ABCC3: variants seen among roughly 807,000 people sequenced by gnomAD.
The protein encoded by ABCC3 is ATP-binding cassette sub-family C member 3.
A neutral mutation model predicts 165.3 loss-of-function variants in ABCC3; 121 were observed. The ratio of observed to expected loss-of-function variants is 0.73; its 90% CI spans 0.63 to 0.85. The LOEUF is 0.85. ABCC3 is among the 40% of genes least tolerant of loss of function. The pLI is 0.00. For missense variants in ABCC3, 1,869 were observed against 1,964.1 expected (o/e 0.95, Z 0.92); for synonymous variants, 733 against 810.1 (o/e 0.90, Z 1.62).
chr17:50,643,448 C>A, intron 1 of ABCC3: 1 of 439,172 alleles, frequency 2.3e-6, no homozygotes, highest in South Asian at 1.6e-5. Flanking sequence ...ACAACTTCTG[C>A]CCACCTGGGC....
At chr17:50,641,293 G>T (rs1183601209) in intron 1 of ABCC3, among the ~76,000 whole-genome samples, 1 of 152,232 alleles carries the variant, frequency 6.6e-6, no homozygotes, top group East Asian at 1.9e-4. Flanking sequence ...GTGGGTGATG[G>T]TGGGGGAGGG....
At chr17:50,644,474 G>A (rs1005555042) in intron 1 of ABCC3, among the ~76,000 whole-genome samples, 1 of 152,008 alleles carries the variant, frequency 6.6e-6, no homozygotes, top group African/African-American at 2.4e-5. Flanking sequence ...CACTTTGGGA[G>A]GCTGAGGCTG....
chr17:50,659,358 C>CAGCCTGTTTGCCTGTTGGGTTCTCTCTGT lies in ABCC3; in HGVS notation c.798_799insCCTGTTTGCCTGTTGGGTTCTCTCTGTAG (p.Thr267ProfsTer44), dbSNP rs1567829758. On this transcript the variant is annotated frameshift_variant, in exon 7 of 31. Coordinates refer to ENST00000285238, the MANE Select transcript of ABCC3 (RefSeq NM_003786.4). LOFTEE classifies it high-confidence loss of function. ...GGAGGCATGGAGGAAGCAGGAAAAG[C>CAGCCTGTTTGCCTGTTGGGTTCTCTCTGT]AGACGGCACGGTGAGGCCCTCCCCT... is the stretch of plus-strand genomic sequence containing the variant. 1 of 1,609,506 alleles carries CAGCCTGTTTGCCTGTTGGGTTCTCTCTGT rather than the reference C, an allele frequency of 6.2e-7. No individual in the cohort carries two copies. Among genetic ancestry groups the CAGCCTGTTTGCCTGTTGGGTTCTCTCTGT allele is most frequent in the Admixed American group, 1.7e-5 (1 of 59,942 alleles).
At chr17:50,662,510 C>A (rs762946116) in intron 8 of ABCC3, among the ~76,000 whole-genome samples, 1 of 151,946 alleles carries the variant, frequency 6.6e-6, no homozygotes, top group Non-Finnish European at 1.5e-5. Flanking sequence ...TGGTGGCATA[C>A]GCCTAGAGTC....
At chr17:50,672,566 G>A (rs1335181241) in intron 17 of ABCC3, among the ~76,000 whole-genome samples, 2 of 152,120 alleles carry the variant, frequency 1.3e-5, no homozygotes, top group Non-Finnish European at 2.9e-5. Context: ...AGATTCAGAA[G>A]ACTGCTGTTC....
intron 1 of ABCC3, among the ~76,000 whole-genome samples, chr17:50,653,138 G>A (rs888459760): frequency 1.3e-5 from 2 of 151,976 alleles, no homozygotes; most frequent in Non-Finnish European, 2.9e-5. Context: ...CTGAGGTCAG[G>A]AGTTCAAGAC....
chr17:50,654,875 A>ACG lies in ABCC3; in HGVS notation c.46-957_46-956insCG, dbSNP rs1206629793. On this transcript the variant is annotated intron_variant, in intron 1 of 30. Transcript: ENST00000285238. Reference sequence around the variant, plus strand: ...TCGGAGGCCGAGGCGGGCAGGTCGTAAGGTCAAGAGATCGAGACCATCCTG... The same window carrying ACG: ...TCGGAGGCCGAGGCGGGCAGGTCGTACGAGGTCAAGAGATCGAGACCATCCTG... Among the ~76,000 whole-genome samples the ACG allele has an allele frequency of 7.4e-3, 866 of 116,886 alleles. No homozygotes were observed. The Middle Eastern group carries it at 0.08, about 11-fold the overall frequency. The allele number at this position is 116,886 out of a possible 152,430, so 76.7% of individuals were successfully genotyped here.
In ABCC3 at chr17:50,664,079, C is replaced by A. The variant is rs151079073; in HGVS notation, c.1306C>A (p.Gln436Lys). The change falls in exon 10 of 31, where the codon CAG becomes AAG. Residue 436 changes from glutamine (Q) to lysine (K), a missense_variant. Physicochemically the swap from Gln to Lys is moderately conservative, Grantham distance 53. Coordinates refer to ENST00000285238, the MANE Select transcript of ABCC3 (RefSeq NM_003786.4). ...CAATCTGCTGTGGTCAGCACCCCTG[C>A]AGATCATCCTGGCGATCTACTTCCT... ...FLNLLWSAPL[Q>K]IILAIYFLWQ... 1.8e-3 allele frequency: 2,863 copies of A among 1,614,240 alleles called. 4 individuals are homozygous for A. Among genetic ancestry groups the A allele is most frequent in the Non-Finnish European group, 2.3e-3 (2,660 of 1,180,040 alleles).
intron 26 of ABCC3, among the ~76,000 whole-genome samples, chr17:50,681,760 T>C (rs1430858615): frequency 6.6e-6 from 1 of 152,132 alleles, no homozygotes; most frequent in Non-Finnish European, 1.5e-5. Context: ...TTTTCTGTTC[T>C]CGTCTAATTC....
In ABCC3 at chr17:50,687,591, A is replaced by T. The variant is rs775486053; in HGVS notation, c.4336A>T (p.Ile1446Phe). The T allele has an allele frequency of 6.2e-7, 1 of 1,614,200 alleles. No individual in the cohort carries two copies. Among genetic ancestry groups the T allele is most frequent in the South Asian group, 1.1e-5 (1 of 91,088 alleles). ...CCGAGCCCTGCTCCGCAAGAGCCGC[A>T]TCCTGGTTTTAGACGAGGCCACAGC... is the stretch of plus-strand genomic sequence containing the variant. ...LARALLRKSR[I>F]LVLDEATAAI... The change falls in exon 30 of 31, where the codon ATC (isoleucine) becomes TTC (phenylalanine). Residue 1446 changes from isoleucine to phenylalanine, a missense_variant. Ile to Phe is a conservative substitution (Grantham distance 21). Transcript: ENST00000285238.
intron 1 of ABCC3, among the ~76,000 whole-genome samples, chr17:50,648,883 G>A (rs1967055723): frequency 1.3e-5 from 2 of 152,184 alleles, no homozygotes; most frequent in Admixed American, 1.3e-4. Context: ...GGGAGGCCGA[G>A]GCAGGCGGAT....
Position 50,657,085 on chromosome 17 carries a change from GGCGTACAGTCT to G in ABCC3, c.389_399del (p.Gly130ValfsTer31), listed in dbSNP as rs1967267822. 1.9e-6 allele frequency: 3 copies of G among 1,614,170 alleles called. No individual in the cohort carries two copies. The highest frequency in any genetic ancestry group is 2.5e-6 in the Non-Finnish European group (3 of 1,180,020). ...GCTGATACAGTATGAGCGGCTGCAG[GGCGTACAGTCT>G]TCGGGGGTCCTCATTATCTTCTGGT... On this transcript the variant is annotated frameshift_variant, in exon 4 of 31. Transcript: ENST00000285238. LOFTEE classifies it high-confidence loss of function.
At chr17:50,656,998 G>C (rs774499574) in intron 3 of ABCC3, 48 bp from the exon 4 acceptor site, 1 of 1,595,520 alleles carries the variant, frequency 6.3e-7, no homozygotes, top group Admixed American at 1.7e-5. Flanking sequence ...ATGGAGGCAG[G>C]TCCAGATGTG....
At chr17:50,685,302 GA>G (rs1319929630) in intron 29 of ABCC3, among the ~76,000 whole-genome samples, 1 of 152,224 alleles carries the variant, frequency 6.6e-6, no homozygotes, top group African/African-American at 2.4e-5. Context: ...ACCTCTTACT[GA>G]GTCTAAAGGT....
intron 1 of ABCC3, among the ~76,000 whole-genome samples, chr17:50,641,481 C>T (rs1303731787): frequency 6.6e-6 from 1 of 152,216 alleles, no homozygotes; most frequent in South Asian, 2.1e-4. Flanking sequence ...GAGTTGGAGA[C>T]CCTTCTGGGT....
At chr17:50,673,900 T>TTTTTTC (rs1555595307) in intron 19 of ABCC3, among the ~76,000 whole-genome samples, 7 of 131,514 alleles carry the variant, frequency 5.3e-5, no homozygotes, top group Non-Finnish European at 1.7e-5. Context: ...TCAGAGCCTG[T>TTTTTTC]TTTCTTTCTT....
Position 50,659,340 on chromosome 17 carries a change from T to A in ABCC3, c.778T>A (p.Trp260Arg). 1 of 1,612,014 alleles carries A rather than the reference T, an allele frequency of 6.2e-7. No individual in the cohort carries two copies. The highest frequency in any genetic ancestry group is 8.5e-7 in the Non-Finnish European group (1 of 1,178,472). The change falls in exon 7 of 31, where the codon TGG (tryptophan) becomes AGG (arginine). Residue 260 changes from tryptophan to arginine, a missense_variant. Trp to Arg is a moderately radical substitution (Grantham distance 101). Coordinates refer to ENST00000285238, the MANE Select transcript of ABCC3 (RefSeq NM_003786.4). ...GGTGGTGCAGCAGCTGCTGGAGGCA[T>A]GGAGGAAGCAGGAAAAGCAGACGGC... is the stretch of plus-strand genomic sequence containing the variant. Reference protein sequence around the residue: ...QMVVQQLLEAWRKQEKQTARH... With the variant: ...QMVVQQLLEARRKQEKQTARH...
intron 1 of ABCC3, among the ~76,000 whole-genome samples, chr17:50,653,771 A>AC (rs1967164351): frequency 6.6e-6 from 1 of 151,702 alleles, no homozygotes; most frequent in Non-Finnish European, 1.5e-5. Context: ...AAAAAAAAAA[A>AC]ACCTAAACCA....
At chr17:50,667,505 G>T (rs780333576) in intron 11 of ABCC3, 49 bp from the exon 12 acceptor site, 12 of 1,533,078 alleles carry the variant, frequency 7.8e-6, no homozygotes, top group East Asian at 2.3e-5. Flanking sequence ...TGAGCAGGAG[G>T]TCAGGGGAGG....
Sources: gnomAD v4.1 joint callset for allele counts (sites outside exome capture counted in the v4.1 genomes callset) on GRCh38, gnomAD v4.1.1 for gene constraint, MANE v1.5 for transcripts, NCBI Gene and HGNC (gene_info 2026-07-23, HGNC 2026-07-21) for gene names.